The following CLSTN2 variants were observed in gnomAD, a reference collection of about 807,000 sequenced individuals.
The protein encoded by CLSTN2 is calsyntenin-2.
In CLSTN2, 48 loss-of-function variants were observed where a neutral mutation model predicts 101.2. The ratio of observed to expected loss-of-function variants is 0.47; its 90% CI spans 0.38 to 0.60. The LOEUF (loss-of-function observed/expected upper bound fraction) is 0.60, where lower values mean the gene tolerates loss of function less well. Among genes scored for constraint, CLSTN2 ranks in the 20% least tolerant of loss-of-function variants. The pLI is 0.00. For synonymous variants in CLSTN2, 481 were observed against 463.6 expected, an observed-to-expected ratio of 1.04 and a Z score of -0.48; for missense variants, 1,160 against 1,238.2, an observed-to-expected ratio of 0.94 and a Z score of 0.95.
intron 7 of CLSTN2, chr3:140,460,247 G>A: frequency 1.2e-5 from 2 of 164,966 alleles, no homozygotes; most frequent in Admixed American, 5.5e-5. Context: ...AGTAATGATA[G>A]CTACCATTCG....
chr3:140,144,964 T>C (rs1169892701), intron 1 of CLSTN2, among the ~76,000 whole-genome samples: 1 of 152,232 alleles, frequency 6.6e-6, no homozygotes, highest in East Asian at 1.9e-4. Flanking sequence ...TCACCTCTGA[T>C]TTCCCCCAGA....
chr3:140,120,576 G>T (rs933911486), intron 1 of CLSTN2, among the ~76,000 whole-genome samples: 2 of 152,234 alleles, frequency 1.3e-5, no homozygotes, highest in East Asian at 1.9e-4. Context: ...GGGGCTGAAA[G>T]TTCCAACCCT....
At chr3:140,425,183 TC>T (rs899227609) in intron 5 of CLSTN2, among the ~76,000 whole-genome samples, 1 of 152,174 alleles carries the variant, frequency 6.6e-6, no homozygotes, top group Non-Finnish European at 1.5e-5. Flanking sequence ...CCCCAAGCAC[TC>T]CCAATCAGCA....
intron 2 of CLSTN2, among the ~76,000 whole-genome samples, chr3:140,209,529 G>A (rs1343721746): frequency 6.6e-6 from 1 of 152,150 alleles, no homozygotes; most frequent in African/African-American, 2.4e-5. Context: ...GGGAGTGAAG[G>A]TTCATCCTAT....
chr3:140,544,142 C>T (rs762618180), intron 9 of CLSTN2, among the ~76,000 whole-genome samples: 3 of 152,226 alleles, frequency 2.0e-5, no homozygotes, highest in Non-Finnish European at 4.4e-5. Context: ...CGCTATGTGC[C>T]AGGCACAGTG....
chr3:140,308,379 A>G (rs1412926298), intron 2 of CLSTN2, among the ~76,000 whole-genome samples: 1 of 152,218 alleles, frequency 6.6e-6, no homozygotes, highest in Non-Finnish European at 1.5e-5. Flanking sequence ...CAAGGAAGGT[A>G]GCATTGGTAA....
Position 140,562,900 on chromosome 3 carries a change from C to T in CLSTN2, c.2302C>T (p.Arg768Trp), listed in dbSNP as rs542507966. Reference protein sequence around the residue: ...RPASLEARRFRIKCSELNGRY... With the variant: ...RPASLEARRFWIKCSELNGRY... Reference sequence around the variant, plus strand: ...GGCTTCCCTTGAGGCCCGGCGTTTCCGGATTAAGTGCTCAGAACTCAATGG... The same window carrying T: ...GGCTTCCCTTGAGGCCCGGCGTTTCTGGATTAAGTGCTCAGAACTCAATGG... Residue 768 changes from arginine (R) to tryptophan (W), a missense_variant, in exon 14 of 17, where the codon CGG (arginine) becomes TGG (tryptophan). Physicochemically the swap from Arg to Trp is moderately radical, Grantham distance 101. Coordinates refer to ENST00000458420, the MANE Select transcript of CLSTN2 (RefSeq NM_022131.3). The T allele has an allele frequency of 2.3e-5, 37 of 1,614,134 alleles. No individual in the cohort carries two copies. Among genetic ancestry groups the T allele is most frequent in the Admixed American group, 1.7e-4 (10 of 60,022 alleles).
At chr3:140,071,755 C>A (rs556014375) in intron 1 of CLSTN2, among the ~76,000 whole-genome samples, 9 of 152,080 alleles carry the variant, frequency 5.9e-5, no homozygotes, top group Admixed American at 5.9e-4. Context: ...GGCATGAACT[C>A]GGGAGGCGGA....
At chr3:140,208,988 G>C (rs552764530) in intron 2 of CLSTN2, among the ~76,000 whole-genome samples, 15 of 152,262 alleles carry the variant, frequency 9.9e-5, no homozygotes, top group African/African-American at 3.4e-4. Flanking sequence ...TATATAGAAA[G>C]TGGCAATTCC....
At chr3:140,380,363 A>T (rs1001906655) in intron 2 of CLSTN2, among the ~76,000 whole-genome samples, 5 of 152,204 alleles carry the variant, frequency 3.3e-5, no homozygotes, top group African/African-American at 1.2e-4. Flanking sequence ...TGTGTGATCT[A>T]AGACTGTCCA....
At chr3:140,197,664 G>A (rs1234775756) in intron 2 of CLSTN2, among the ~76,000 whole-genome samples, 1 of 152,134 alleles carries the variant, frequency 6.6e-6, no homozygotes, top group South Asian at 2.1e-4. Context: ...TTGTCTTAAT[G>A]GGAGATTATA....
intron 2 of CLSTN2, among the ~76,000 whole-genome samples, chr3:140,192,799 T>C (rs2010587947): frequency 6.6e-6 from 1 of 151,976 alleles, no homozygotes; most frequent in Non-Finnish European, 1.5e-5. Flanking sequence ...TATATTTATA[T>C]GGTAGGGTTT....
chr3:140,218,988 A>G (rs571701852), intron 2 of CLSTN2, among the ~76,000 whole-genome samples: 25 of 152,250 alleles, frequency 1.6e-4, no homozygotes, highest in Admixed American at 5.9e-4. Flanking sequence ...CGAGGTTGTT[A>G]TAGGTGTCAC....
chr3:140,323,240 G>A (rs114461103), intron 2 of CLSTN2, among the ~76,000 whole-genome samples: 3,077 of 152,278 alleles, frequency 0.02, 108 homozygotes, highest in African/African-American at 0.068. Flanking sequence ...GGGGCTTTAC[G>A]GAGGGCGTTC....
At chr3:140,281,571 ACT>A (rs1034596155) in intron 2 of CLSTN2, among the ~76,000 whole-genome samples, 8 of 151,856 alleles carry the variant, frequency 5.3e-5, no homozygotes, top group Non-Finnish European at 1.2e-4. Flanking sequence ...TAATTACCTA[ACT>A]CTGGGAGATG....
At chr3:140,203,867 C>A (rs1259049161) in intron 2 of CLSTN2, among the ~76,000 whole-genome samples, 1 of 152,108 alleles carries the variant, frequency 6.6e-6, no homozygotes, top group Admixed American at 6.5e-5. Context: ...AAGAAAATAA[C>A]CCGCAAGATT....
chr3:140,099,713 T>G (rs2008933349), intron 1 of CLSTN2, among the ~76,000 whole-genome samples: 1 of 152,206 alleles, frequency 6.6e-6, no homozygotes, highest in African/African-American at 2.4e-5. Flanking sequence ...TGGATGCATT[T>G]CTGCTACAGA....
intron 2 of CLSTN2, among the ~76,000 whole-genome samples, chr3:140,380,233 C>T (rs1295922101): frequency 6.6e-6 from 1 of 152,154 alleles, no homozygotes; most frequent in African/African-American, 2.4e-5. Context: ...GAGTGTGTGT[C>T]TGTCACAGAG....
chr3:140,103,953 A>G (rs969307661), intron 1 of CLSTN2, among the ~76,000 whole-genome samples: 5 of 152,244 alleles, frequency 3.3e-5, no homozygotes, highest in Admixed American at 2.6e-4. Context: ...GAACTAGGAC[A>G]TGATTGATGG....
Sources: gnomAD v4.1 joint callset for allele counts (sites outside exome capture counted in the v4.1 genomes callset) on GRCh38, gnomAD v4.1.1 for gene constraint, MANE v1.5 for transcripts, NCBI Gene and HGNC (gene_info 2026-07-23, HGNC 2026-07-21) for gene names.